SLC25A13: variants seen among roughly 807,000 people sequenced by gnomAD.
SLC25A13 encodes the protein electrogenic aspartate/glutamate antiporter SLC25A13, mitochondrial.
SLC25A13 carries 70 observed loss-of-function variants against 85.5 expected under a neutral mutation model. The observed-to-expected ratio is 0.82, with a 90% CI of 0.68 to 1.00. The LOEUF is 1.00. Ranked by LOEUF, SLC25A13 falls within the 50% of genes least tolerant of loss-of-function variation. The pLI is 0.00. For missense variants in SLC25A13, 765 were observed against 819.8 expected, an observed-to-expected ratio of 0.93 and a Z score of 0.82; for synonymous variants, 259 against 288.7, an observed-to-expected ratio of 0.90 and a Z score of 1.04.
chr7:96,194,442 C>CAAA (rs546248549), intron 5 of SLC25A13, among the ~76,000 whole-genome samples: 383 of 27,684 alleles, frequency 0.014, 60 homozygotes, highest in African/African-American at 0.037. Context: ...AACCTTGTCT[C>CAAA]AAAAAAAAAA....
intron 4 of SLC25A13, among the ~76,000 whole-genome samples, chr7:96,213,199 T>G (rs1393788830): frequency 6.6e-6 from 1 of 152,224 alleles, no homozygotes; most frequent in African/African-American, 2.4e-5. Flanking sequence ...TGCAGGCTCA[T>G]GAATAGAAAC....
At chr7:96,173,587 A>G (rs1022665723) in intron 11 of SLC25A13, among the ~76,000 whole-genome samples, 6 of 151,928 alleles carry the variant, frequency 3.9e-5, no homozygotes, top group African/African-American at 1.2e-4. Flanking sequence ...CTCATTTTTT[A>G]TTTTTAACAA....
At position 96,251,553 on chromosome 7, in the gene SLC25A13, A is replaced by G. The variant is rs113374187; in HGVS notation, c.213-16636T>C. On this transcript the variant is annotated intron_variant, in intron 3 of 17. Transcript: ENST00000265631. ...GCTGAGCAGAATTTTTAAAAAGTAA[A>G]TCAAGTAAAATGCAGGGTCACATCA... Among the ~76,000 whole-genome samples, 10 of 152,272 alleles carry G rather than the reference A, an allele frequency of 6.6e-5. 1 individual carries two copies. Among genetic ancestry groups the G allele is most frequent in the African/African-American group, 1.9e-4 (8 of 41,538 alleles).
intron 11 of SLC25A13, among the ~76,000 whole-genome samples, chr7:96,178,083 C>T (rs1037428139): frequency 1.3e-5 from 2 of 152,118 alleles, no homozygotes; most frequent in African/African-American, 2.4e-5. Context: ...ATGCTTCCCC[C>T]GTCTCTACAG....
At chr7:96,304,760 C>T (rs1480000704) in intron 1 of SLC25A13, among the ~76,000 whole-genome samples, 5 of 152,164 alleles carry the variant, frequency 3.3e-5, no homozygotes, top group Non-Finnish European at 5.9e-5. Context: ...AACACAATCA[C>T]CTATGGGAAA....
chr7:96,188,543 TA>T (rs1794723414), intron 9 of SLC25A13, among the ~76,000 whole-genome samples: 1 of 152,150 alleles, frequency 6.6e-6, no homozygotes, highest in African/African-American at 2.4e-5. Context: ...GAAATTTTTC[TA>T]AAAACGACAC....
At chr7:96,312,847 G>C (rs185415484) in intron 1 of SLC25A13, among the ~76,000 whole-genome samples, 1 of 152,268 alleles carries the variant, frequency 6.6e-6, no homozygotes, top group African/African-American at 2.4e-5. Context: ...AAAATAAAGA[G>C]GCCCTGAATT....
intron 1 of SLC25A13, among the ~76,000 whole-genome samples, chr7:96,316,396 CA>C: frequency 6.6e-6 from 1 of 152,184 alleles, no homozygotes; most frequent in Admixed American, 6.5e-5. Flanking sequence ...TACAGAGTGA[CA>C]AAGGTGTTCT....
At chr7:96,123,487 T>C (rs921594468) in intron 15 of SLC25A13, among the ~76,000 whole-genome samples, 3 of 152,170 alleles carry the variant, frequency 2.0e-5, no homozygotes, top group Admixed American at 1.3e-4. Context: ...TTGGCTAGGG[T>C]AATTTTCATA....
intron 3 of SLC25A13, among the ~76,000 whole-genome samples, chr7:96,236,941 T>C (rs2116822158): frequency 6.6e-6 from 1 of 152,294 alleles, no homozygotes; most frequent in South Asian, 2.1e-4. Context: ...TCCTGTTGAG[T>C]AACCTTTTGA....
At chr7:96,263,007 C>T (rs1363078403) in intron 3 of SLC25A13, among the ~76,000 whole-genome samples, 1 of 134,438 alleles carries the variant, frequency 7.4e-6, no homozygotes, top group Non-Finnish European at 1.6e-5. Flanking sequence ...TTCCTTCATC[C>T]TTTGGTCCAA....
chr7:96,135,073 C>T (rs1247445248), intron 14 of SLC25A13, among the ~76,000 whole-genome samples: 3 of 152,086 alleles, frequency 2.0e-5, no homozygotes, highest in Admixed American at 6.6e-5. Flanking sequence ...AGAAATCAAG[C>T]TCTTAAGCTT....
At chr7:96,277,163 A>G (rs376504226) in intron 3 of SLC25A13, 33 bp downstream of exon 3, 2 of 1,525,716 alleles carry the variant, frequency 1.3e-6, no homozygotes, top group South Asian at 2.5e-5. Context: ...TCAAACAAAA[A>G]GAATTAAATA....
chr7:96,168,466 G>A (rs1031013847), intron 13 of SLC25A13, among the ~76,000 whole-genome samples: 1 of 152,150 alleles, frequency 6.6e-6, no homozygotes, highest in Non-Finnish European at 1.5e-5. Context: ...CACCACTTCT[G>A]ATGCCAATGT....
At chr7:96,240,246 G>C (rs975488560) in intron 3 of SLC25A13, among the ~76,000 whole-genome samples, 38 of 152,306 alleles carry the variant, frequency 2.5e-4, no homozygotes, top group African/African-American at 8.7e-4. Flanking sequence ...AAAGATTACT[G>C]TCATGTTGAG....
chr7:96,206,157 C>T (rs1332382722), intron 5 of SLC25A13, among the ~76,000 whole-genome samples: 1 of 152,182 alleles, frequency 6.6e-6, no homozygotes, highest in African/African-American at 2.4e-5. Flanking sequence ...CGGCTGCTCC[C>T]CTTCCTCATC....
At chr7:96,184,156 T>C (rs1794531418) in intron 11 of SLC25A13, 121 bp downstream of exon 11, 5 of 1,267,486 alleles carry the variant, frequency 3.9e-6, no homozygotes, top group African/African-American at 2.9e-5. Context: ...GCATGGATAA[T>C]TGAAAATCTG....
At chr7:96,231,467 G>A (rs1054563753) in intron 4 of SLC25A13, among the ~76,000 whole-genome samples, 1 of 152,106 alleles carries the variant, frequency 6.6e-6, no homozygotes, top group Non-Finnish European at 1.5e-5. Flanking sequence ...TCTCATGCCT[G>A]TAATCCCAGC....
intron 3 of SLC25A13, among the ~76,000 whole-genome samples, chr7:96,245,215 G>A (rs896377060): frequency 1.6e-4 from 25 of 152,112 alleles, no homozygotes; most frequent in African/African-American, 1.7e-4. Flanking sequence ...TTGCTAGTAC[G>A]TAGTTAATTC....
Sources: gnomAD v4.1 joint callset for allele counts (sites outside exome capture counted in the v4.1 genomes callset) on GRCh38, gnomAD v4.1.1 for gene constraint, MANE v1.5 for transcripts, NCBI Gene and HGNC (gene_info 2026-07-23, HGNC 2026-07-21) for gene names.